MGAT4C: variants seen among roughly 807,000 people sequenced by gnomAD.
MGAT4C encodes alpha-1,3-mannosyl-glycoprotein 4-beta-N-acetylglucosaminyltransferase C.
MGAT4C carries 19 observed loss-of-function variants against 40.1 expected under a neutral mutation model. The ratio of observed to expected loss-of-function variants is 0.47; its 90% CI spans 0.33 to 0.70. The LOEUF is 0.70. Among genes scored for constraint, MGAT4C ranks in the 30% least tolerant of loss-of-function variants. The probability of loss-of-function intolerance (pLI) is 0.02; values close to 1 mark genes in which losing one functional copy is unlikely to be tolerated. For synonymous variants in MGAT4C, 181 were observed against 187.1 expected (o/e 0.97, Z 0.27); for missense variants, 491 against 563.2 (o/e 0.87, Z 1.30).
chr12:86,215,121 T>G (rs1950619101), intron 1 of MGAT4C, among the ~76,000 whole-genome samples: 1 of 64,892 alleles, frequency 1.5e-5, no homozygotes, highest in African/African-American at 4.1e-5. Context: ...AACAAGACCC[T>G]CTTACAATGC....
intron 1 of MGAT4C, among the ~76,000 whole-genome samples, chr12:86,218,294 T>A (rs1950747917): frequency 6.6e-6 from 1 of 152,146 alleles, no homozygotes; most frequent in South Asian, 2.1e-4. Flanking sequence ...TGATTTACTA[T>A]TTTTTCACAG....
intron 3 of MGAT4C, among the ~76,000 whole-genome samples, chr12:86,355,381 A>T (rs1955286601): frequency 6.6e-6 from 1 of 152,192 alleles, no homozygotes; most frequent in African/African-American, 2.4e-5. Context: ...TTAGTCAAAA[A>T]ATAATATTTG....
chr12:86,703,145 T>TA (rs1179717240), intron 2 of MGAT4C, among the ~76,000 whole-genome samples: 11 of 152,070 alleles, frequency 7.2e-5, no homozygotes, highest in Admixed American at 7.2e-4. Flanking sequence ...CACACGTAAA[T>TA]AGATGAGGAA....
intron 2 of MGAT4C, among the ~76,000 whole-genome samples, chr12:86,645,761 C>T (rs185355978): frequency 9.8e-4 from 149 of 151,642 alleles, no homozygotes; most frequent in South Asian, 6.6e-3. Context: ...GGCCTTTTAC[C>T]CTTGTTTTCA....
intron 1 of MGAT4C, among the ~76,000 whole-genome samples, chr12:86,208,985 T>A (rs537686663): frequency 3.9e-4 from 60 of 152,302 alleles, no homozygotes; most frequent in African/African-American, 1.4e-3. Flanking sequence ...TTCATTTGTA[T>A]GGACTTTTTT....
At chr12:86,389,783 C>G (rs1392993521) in intron 3 of MGAT4C, among the ~76,000 whole-genome samples, 1 of 151,864 alleles carries the variant, frequency 6.6e-6, no homozygotes, top group Non-Finnish European at 1.5e-5. Flanking sequence ...ATGTGGATGT[C>G]AAAATTTTAC....
At chr12:86,314,171 C>T (rs1954142432) in intron 4 of MGAT4C, among the ~76,000 whole-genome samples, 1 of 152,138 alleles carries the variant, frequency 6.6e-6, no homozygotes, top group Non-Finnish European at 1.5e-5. Flanking sequence ...ATAGAGGTTA[C>T]TTAAAAGCTT....
At chr12:86,510,407 CG>C (rs1470714067) in intron 2 of MGAT4C, among the ~76,000 whole-genome samples, 10 of 152,226 alleles carry the variant, frequency 6.6e-5, no homozygotes, top group African/African-American at 2.4e-4. Flanking sequence ...TAAAGACCAT[CG>C]AGGCTAGGAA....
chr12:86,557,664 C>T (rs1367447069), intron 2 of MGAT4C, among the ~76,000 whole-genome samples: 1 of 152,152 alleles, frequency 6.6e-6, no homozygotes, highest in African/African-American at 2.4e-5. Flanking sequence ...ATAACAGTAC[C>T]TGCTCAGAAT....
chr12:86,685,592 A>T (rs1445990296), intron 2 of MGAT4C, among the ~76,000 whole-genome samples: 1 of 152,150 alleles, frequency 6.6e-6, no homozygotes, highest in African/African-American at 2.4e-5. Context: ...CTTGATGGGG[A>T]TAACATTGAA....
intron 1 of MGAT4C, among the ~76,000 whole-genome samples, chr12:86,754,847 C>A (rs768025940): frequency 6.6e-6 from 1 of 152,074 alleles, no homozygotes; most frequent in African/African-American, 2.4e-5. Flanking sequence ...TGTTACTCAC[C>A]TTCTTTGCTT....
At chr12:86,486,255 G>C (rs978016847) in intron 2 of MGAT4C, among the ~76,000 whole-genome samples, 1 of 151,960 alleles carries the variant, frequency 6.6e-6, no homozygotes, top group Non-Finnish European at 1.5e-5. Flanking sequence ...CACTTAAAGA[G>C]GATAGAGTAG....
intron 1 of MGAT4C, among the ~76,000 whole-genome samples, chr12:86,119,017 TGTG>T (rs1336475190): frequency 6.6e-6 from 1 of 151,994 alleles, no homozygotes; most frequent in African/African-American, 2.4e-5. Flanking sequence ...CTGTGAAAAA[TGTG>T]GTGATTATCA....
chr12:86,688,635 T>C (rs998618353), intron 2 of MGAT4C, among the ~76,000 whole-genome samples: 2 of 152,218 alleles, frequency 1.3e-5, no homozygotes, highest in African/African-American at 4.8e-5. Flanking sequence ...AAATTCTGGG[T>C]TGAAAATTCT....
intron 2 of MGAT4C, among the ~76,000 whole-genome samples, chr12:86,566,193 G>A (rs1427823693): frequency 6.6e-6 from 1 of 152,016 alleles, no homozygotes; most frequent in African/African-American, 2.4e-5. Flanking sequence ...ACAAAGTATT[G>A]ATTGTGGGTG....
At chr12:86,516,529 A>C (rs904161396) in intron 2 of MGAT4C, among the ~76,000 whole-genome samples, 6 of 152,150 alleles carry the variant, frequency 3.9e-5, no homozygotes, top group Non-Finnish European at 2.9e-5. Context: ...TTTTAGAAAA[A>C]TGAGTCCATT....
intron 2 of MGAT4C, chr12:86,002,221 A>T (rs1436528859): frequency 3.3e-5 from 5 of 152,040 alleles, no homozygotes; most frequent in African/African-American, 9.7e-5. Flanking sequence ...TCTGAGGTTG[A>T]AAAAGGAAAA....
chr12:86,685,459 T>G (rs2136587217), intron 2 of MGAT4C, among the ~76,000 whole-genome samples: 1 of 152,292 alleles, frequency 6.6e-6, no homozygotes, highest in East Asian at 1.9e-4. Flanking sequence ...TAGTTTGAAG[T>G]CAGACAGTGC....
intron 3 of MGAT4C, among the ~76,000 whole-genome samples, chr12:86,396,451 C>T (rs970409934): frequency 1.3e-5 from 2 of 152,178 alleles, no homozygotes; most frequent in Non-Finnish European, 2.9e-5. Flanking sequence ...TCACACATCT[C>T]TAGGCAAAAA....
Sources: gnomAD v4.1 joint callset for allele counts (sites outside exome capture counted in the v4.1 genomes callset) on GRCh38, gnomAD v4.1.1 for gene constraint, MANE v1.5 for transcripts, NCBI Gene and HGNC (gene_info 2026-07-23, HGNC 2026-07-21) for gene names.